Variants in GCSAML observed in about 807,000 individuals in gnomAD.
GCSAML encodes germinal center-associated signaling and motility-like protein.
Under a neutral mutation model 13.0 loss-of-function variants are expected in GCSAML, and 9 were observed. The observed-to-expected ratio is 0.69, with a 90% CI of 0.42 to 1.21. The LOEUF (loss-of-function observed/expected upper bound fraction) is 1.21, where lower values mean the gene tolerates loss of function less well. Among genes scored for constraint, GCSAML ranks in the 50% most tolerant of loss-of-function variants. The pLI is 0.00. For synonymous variants in GCSAML, 37 were observed against 52.9 expected (o/e 0.70, Z 1.31); for missense variants, 143 against 153.4 (o/e 0.93, Z 0.36).
chr1:247,535,236 A>G (rs1667171918), intron 2 of GCSAML, among the ~76,000 whole-genome samples: 1 of 152,126 alleles, frequency 6.6e-6, no homozygotes, highest in Non-Finnish European at 1.5e-5. Context: ...GATGGCTTCA[A>G]CCCACGAGAT....
chr1:247,561,803 G>A (rs1371823940), intron 2 of GCSAML, among the ~76,000 whole-genome samples: 3 of 152,246 alleles, frequency 2.0e-5, no homozygotes, highest in African/African-American at 7.2e-5. Flanking sequence ...AAAATTGCGT[G>A]TATGCGTGTG....
chr1:247,567,631 T>C (rs758760232), intron 4 of GCSAML, among the ~76,000 whole-genome samples: 99 of 152,218 alleles, frequency 6.5e-4, no homozygotes, highest in South Asian at 6.2e-4. Context: ...AGTGCTGCAA[T>C]AAAAATGCAA....
intron 1 of GCSAML, among the ~76,000 whole-genome samples, chr1:247,522,395 G>A (rs544152202): frequency 3.3e-5 from 5 of 152,130 alleles, no homozygotes; most frequent in South Asian, 2.1e-4. Flanking sequence ...CTGCCCGGCC[G>A]CCACCCCGTC....
chr1:247,516,858 T>C (rs994828149), intron 1 of GCSAML, among the ~76,000 whole-genome samples: 2 of 152,196 alleles, frequency 1.3e-5, no homozygotes, highest in African/African-American at 2.4e-5. Flanking sequence ...TACTTTTTTT[T>C]CAGTTAATTT....
chr1:247,572,102 G>A (rs1372764864), intron 4 of GCSAML, among the ~76,000 whole-genome samples: 2 of 152,072 alleles, frequency 1.3e-5, no homozygotes, highest in Non-Finnish European at 2.9e-5. Context: ...AGCAATTCCT[G>A]TAACCTTTTT....
intron 4 of GCSAML, 116 bp downstream of exon 4, chr1:247,566,075 T>G (rs1171039949): frequency 3.1e-6 from 2 of 648,228 alleles, no homozygotes; most frequent in Non-Finnish European, 5.1e-6. Flanking sequence ...TTCCTTTATT[T>G]GTAATTTCTA....
chr1:247,531,194 C>G (rs566694588), intron 2 of GCSAML: 3 of 257,926 alleles, frequency 1.2e-5, no homozygotes, highest in South Asian at 9.6e-5. Context: ...CCGGTCTCCC[C>G]GCGCGCTCTC....
chr1:247,521,100 T>C (rs1027639409), intron 1 of GCSAML, among the ~76,000 whole-genome samples: 7 of 139,856 alleles, frequency 5.0e-5, no homozygotes, highest in African/African-American at 1.8e-4. Context: ...AGAATTTGAA[T>C]TTACATTCTT....
chr1:247,521,822 C>T (rs546117602), intron 1 of GCSAML, among the ~76,000 whole-genome samples: 2,134 of 152,232 alleles, frequency 0.014, 47 homozygotes, highest in African/African-American at 0.047. Flanking sequence ...AAGTGAGGAG[C>T]ATCTCTGCCT....
At chr1:247,556,090 A>T (rs1215870586) in intron 1 of GCSAML, among the ~76,000 whole-genome samples, 2 of 152,102 alleles carry the variant, frequency 1.3e-5, no homozygotes, top group Non-Finnish European at 1.5e-5. Flanking sequence ...CCCTGTTGTT[A>T]AGGTCTTTAT....
chr1:247,572,607 C>T (rs935551866), intron 4 of GCSAML, among the ~76,000 whole-genome samples: 2 of 152,198 alleles, frequency 1.3e-5, no homozygotes, highest in African/African-American at 4.8e-5. Context: ...TGCCAGATGC[C>T]AGCTGGAGCT....
At chr1:247,568,628 T>C (rs1423569891) in intron 4 of GCSAML, among the ~76,000 whole-genome samples, 2 of 152,220 alleles carry the variant, frequency 1.3e-5, no homozygotes, top group African/African-American at 4.8e-5. Flanking sequence ...AGCTTTGTTC[T>C]TTTTGCTTAG....
intron 2 of GCSAML, 48 bp from the exon 3 acceptor site, chr1:247,563,542 G>T (rs772900215): frequency 1.7e-6 from 2 of 1,166,714 alleles, no homozygotes; most frequent in Admixed American, 1.9e-5. Context: ...GGCATTTTCA[G>T]CTTTGGAGAA....
At chr1:247,516,542 T>C (rs1396039253) in intron 1 of GCSAML, among the ~76,000 whole-genome samples, 1 of 145,708 alleles carries the variant, frequency 6.9e-6, no homozygotes, top group Non-Finnish European at 1.5e-5. Context: ...TCTACAACTT[T>C]CATGTTGACT....
At chr1:247,508,366 T>C (rs1398234922) in intron 1 of GCSAML, among the ~76,000 whole-genome samples, 1 of 152,206 alleles carries the variant, frequency 6.6e-6, no homozygotes, top group Non-Finnish European at 1.5e-5. Flanking sequence ...TGGGTTTCTG[T>C]TTTTTTCTTG....
chr1:247,532,358 T>G, intron 2 of GCSAML: 2 of 1,614,122 alleles, frequency 1.2e-6, no homozygotes, highest in Non-Finnish European at 1.7e-6. Flanking sequence ...TGCACATCTG[T>G]ATGGGAGACC....
chr1:247,566,591 G>A lies in GCSAML; in HGVS notation c.168+632G>A, dbSNP rs75784826. 3.8e-3 allele frequency among the ~76,000 whole-genome samples: 581 copies of A among 152,106 alleles called. 8 individuals carry two copies. The highest frequency in any genetic ancestry group is 0.014 in the African/African-American group (564 of 41,434). On this transcript the variant is annotated intron_variant, in intron 4 of 4. Transcript: ENST00000366488. ...TTATAACAAAAACAGATGAAATTAA[G>A]TAAATTTATACTTAAAAACTGACCA...
intron 2 of GCSAML, among the ~76,000 whole-genome samples, chr1:247,557,477 T>C (rs1667994998): frequency 6.6e-6 from 1 of 152,218 alleles, no homozygotes; most frequent in Admixed American, 6.5e-5. Flanking sequence ...ATTCTTGCAC[T>C]AAGCTCTTTT....
intron 2 of GCSAML, among the ~76,000 whole-genome samples, chr1:247,560,713 A>G (rs1297037650): frequency 6.6e-6 from 1 of 152,144 alleles, no homozygotes; most frequent in African/African-American, 2.4e-5. Flanking sequence ...AAGTACATTA[A>G]CAACTTAATA....
Sources: allele counts gnomAD v4.1 joint callset (sites outside exome capture counted in the v4.1 genomes callset), GRCh38; gene constraint gnomAD v4.1.1; transcripts MANE v1.5; gene names NCBI Gene and HGNC (gene_info 2026-07-23, HGNC 2026-07-21).